The following FRMPD4 variants were observed in gnomAD, a reference collection of about 807,000 sequenced individuals.
The protein encoded by FRMPD4 is FERM and PDZ domain containing 4, also known as FERM and PDZ domain-containing protein 4.
Under a neutral mutation model 94.1 loss-of-function variants are expected in FRMPD4, and 22 were observed. That is an observed-to-expected ratio of 0.23 (90% CI 0.17 to 0.33). The LOEUF is 0.33. Ranked by LOEUF, FRMPD4 falls within the 10% of genes least tolerant of loss-of-function variation. The pLI is 1.00. For synonymous variants in FRMPD4, 631 were observed against 548.6 expected (o/e 1.15, Z -2.10); for missense variants, 1,111 against 1,339.9 (o/e 0.83, Z 2.67).
At chrX:11,887,337 G>C (rs1423175718) in intron 3 of FRMPD4, among the ~76,000 whole-genome samples, 3 of 111,464 alleles carry the variant, frequency 2.7e-5, no homozygotes, top group Middle Eastern at 4.6e-3. Flanking sequence ...CAATTGTTCT[G>C]AGACACGGCT....
intron 1 of FRMPD4, among the ~76,000 whole-genome samples, chrX:12,400,590 A>T (rs2056597513): frequency 8.9e-6 from 1 of 111,891 alleles, no homozygotes; most frequent in East Asian, 2.8e-4. Context: ...TACTCTTGAG[A>T]TTTTTTACTG....
intron 2 of FRMPD4, among the ~76,000 whole-genome samples, chrX:12,514,337 T>A (rs1313025775): frequency 8.9e-6 from 1 of 111,867 alleles, no homozygotes; most frequent in Non-Finnish European, 1.9e-5. Flanking sequence ...CCATTCTGTA[T>A]GATATTGGCT....
At chrX:12,194,651 T>G (rs1333591941) in intron 1 of FRMPD4, among the ~76,000 whole-genome samples, 2 of 111,941 alleles carry the variant, frequency 1.8e-5, no homozygotes, top group Admixed American at 1.9e-4. Context: ...ATACAAATTG[T>G]TATAGCATTT....
chrX:12,548,666 T>C (rs1373407349), intron 2 of FRMPD4, among the ~76,000 whole-genome samples: 2 of 112,300 alleles, frequency 1.8e-5, no homozygotes, highest in Admixed American at 1.9e-4. Flanking sequence ...TGTGGACTGA[T>C]TAAATGAGAA....
intron 6 of FRMPD4, among the ~76,000 whole-genome samples, chrX:12,684,626 C>G (rs867878515): frequency 8.9e-6 from 1 of 112,070 alleles, no homozygotes; most frequent in South Asian, 3.7e-4. Flanking sequence ...TGCACGGTCA[C>G]TGTACATTAT....
At chrX:12,166,388 C>T (rs1331963348) in intron 1 of FRMPD4, among the ~76,000 whole-genome samples, 1 of 111,372 alleles carries the variant, frequency 9.0e-6, no homozygotes, top group Non-Finnish European at 1.9e-5. Flanking sequence ...GCCTTGCATC[C>T]CAGGGATGAA....
intron 9 of FRMPD4, 37 bp downstream of exon 9, chrX:12,694,491 G>T: frequency 9.1e-7 from 1 of 1,093,946 alleles, no homozygotes; most frequent in South Asian, 2.0e-5. Flanking sequence ...TATCAATGTT[G>T]TGATATAAAC....
chrX:11,973,032 G>A (rs2054348999), intron 3 of FRMPD4, among the ~76,000 whole-genome samples: 1 of 111,826 alleles, frequency 8.9e-6, no homozygotes, highest in Admixed American at 9.5e-5. Flanking sequence ...TGAAATAGAA[G>A]GCTTGACTTT....
chrX:12,092,245 T>C (rs1404477004), intron 3 of FRMPD4, among the ~76,000 whole-genome samples: 2 of 111,718 alleles, frequency 1.8e-5, no homozygotes, highest in African/African-American at 6.5e-5. Flanking sequence ...GAACACCAGT[T>C]ATGCTAGGAG....
At chrX:12,137,902 C>T (rs996475133), upstream of FRMPD4, among the ~76,000 whole-genome samples, 15 of 112,179 alleles carry the variant, frequency 1.3e-4, no homozygotes, top group African/African-American at 4.5e-4. Context: ...CATTCTAATC[C>T]TTCTCTTTCC....
chrX:12,317,938 T>A (rs945280731), intron 1 of FRMPD4, among the ~76,000 whole-genome samples: 13 of 112,101 alleles, frequency 1.2e-4, no homozygotes, highest in Non-Finnish European at 2.3e-4. Flanking sequence ...GATCCAACAA[T>A]CCCACTGCTG....
intron 3 of FRMPD4, among the ~76,000 whole-genome samples, chrX:11,961,891 G>A (rs913203638): frequency 2.8e-5 from 3 of 108,824 alleles, no homozygotes; most frequent in African/African-American, 1.0e-4. Flanking sequence ...AATTTGAACA[G>A]AGCTTTAATG....
intron 1 of FRMPD4, among the ~76,000 whole-genome samples, chrX:12,349,255 A>G (rs2055763498): frequency 9.0e-6 from 1 of 111,138 alleles, no homozygotes; most frequent in Non-Finnish European, 1.9e-5. Flanking sequence ...TAATTTTTAA[A>G]ACACGGAATC....
chrX:11,992,810 G>A (rs1368854243), intron 3 of FRMPD4, among the ~76,000 whole-genome samples: 1 of 109,841 alleles, frequency 9.1e-6, no homozygotes, highest in Non-Finnish European at 1.9e-5. Flanking sequence ...AAGCCACTTC[G>A]GCATTATTCC....
At chrX:11,990,640 A>G (rs1329927595) in intron 3 of FRMPD4, among the ~76,000 whole-genome samples, 1 of 111,760 alleles carries the variant, frequency 8.9e-6, no homozygotes, top group Non-Finnish European at 1.9e-5. Flanking sequence ...ACCATTAAAC[A>G]TAATCCATAA....
chrX:12,675,427 A>T (rs1445429537), intron 5 of FRMPD4, among the ~76,000 whole-genome samples: 1 of 70,857 alleles, frequency 1.4e-5, no homozygotes, highest in Non-Finnish European at 2.7e-5. Context: ...TGTGATTTAA[A>T]AAAAAAAAAA....
At chrX:12,485,892 G>C (rs994895362) in intron 1 of FRMPD4, among the ~76,000 whole-genome samples, 4 of 106,467 alleles carry the variant, frequency 3.8e-5, no homozygotes, top group East Asian at 5.7e-4. Flanking sequence ...CTGGGTAACA[G>C]AGGGAGATTC....
chrX:12,121,570 G>A (rs2055454539), intron 3 of FRMPD4, among the ~76,000 whole-genome samples: 1 of 111,720 alleles, frequency 9.0e-6, no homozygotes, highest in Non-Finnish European at 1.9e-5. Context: ...AAGGCGATCT[G>A]AGCATATTGT....
At chrX:11,851,904 G>A (rs1168995386) in intron 1 of FRMPD4, among the ~76,000 whole-genome samples, 4 of 95,221 alleles carry the variant, frequency 4.2e-5, no homozygotes, top group South Asian at 5.5e-4. Flanking sequence ...CTTGGGATGT[G>A]AATTATATGC....
Sources: allele counts gnomAD v4.1 joint callset (sites outside exome capture counted in the v4.1 genomes callset), GRCh38; gene constraint gnomAD v4.1.1; transcripts MANE v1.5; gene names NCBI Gene and HGNC (gene_info 2026-07-23, HGNC 2026-07-21).